The following GRAMD4 variants were observed in gnomAD, a reference collection of about 807,000 sequenced individuals.
GRAMD4 encodes the protein GRAM domain-containing protein 4.
In GRAMD4, 25 loss-of-function variants were observed where a neutral mutation model predicts 83.9. The observed-to-expected ratio is 0.30, with a 90% CI of 0.22 to 0.42. GRAMD4 has a LOEUF of 0.42. Among genes scored for constraint, GRAMD4 ranks in the 10% least tolerant of loss-of-function variants. GRAMD4 has a pLI of 1.00. For synonymous variants in GRAMD4, 336 were observed against 320.9 expected, an observed-to-expected ratio of 1.05 and a Z score of -0.50; for missense variants, 593 against 788.7, an observed-to-expected ratio of 0.75 and a Z score of 2.97.
At chr22:46,657,267 C>T (rs554749253) in intron 3 of GRAMD4, among the ~76,000 whole-genome samples, 4 of 152,314 alleles carry the variant, frequency 2.6e-5, no homozygotes, top group South Asian at 2.1e-4. Flanking sequence ...CTGCTCTCAT[C>T]GGTCTGTTGC....
At chr22:46,639,105 A>G (rs1473588339) in intron 3 of GRAMD4, among the ~76,000 whole-genome samples, 1 of 150,288 alleles carries the variant, frequency 6.7e-6, no homozygotes, top group Non-Finnish European at 1.5e-5. Context: ...GGCGTAATGA[A>G]CTCTGTGTGC....
intron 6 of GRAMD4, among the ~76,000 whole-genome samples, 186 bp downstream of exon 6, chr22:46,663,358 C>A (rs912915245): frequency 6.6e-6 from 1 of 152,204 alleles, no homozygotes. Context: ...TTGCGAGGCC[C>A]GCTTAGGTGC....
chr22:46,670,794 C>T (rs2082490480), intron 13 of GRAMD4, among the ~76,000 whole-genome samples: 1 of 152,098 alleles, frequency 6.6e-6, no homozygotes, highest in Non-Finnish European at 1.5e-5. Context: ...TTAATAGAGA[C>T]GAGGTTTCAC....
Position 46,589,993 on chromosome 22 carries a change from G to A in GRAMD4, c.-50+12703G>A, listed in dbSNP as rs540183846. On this transcript the variant is annotated intron_variant, in intron 1 of 1. Coordinates refer to the GRAMD4 transcript ENST00000431155. ...TCCTGCGGCATGTATTGGTGGGGAG[G>A]CCGTGTCGCCTCCTGTAACTCCCAC... is the stretch of plus-strand genomic sequence containing the variant. Among the ~76,000 whole-genome samples the A allele has an allele frequency of 1.5e-3, 235 of 152,344 alleles. 1 individual carries two copies. Among genetic ancestry groups the A allele is most frequent in the Admixed American group, 6.7e-3 (102 of 15,310 alleles).
chr22:46,617,009 C>T (rs1266892377), upstream of GRAMD4, among the ~76,000 whole-genome samples: 2 of 69,696 alleles, frequency 2.9e-5, no homozygotes, highest in African/African-American at 5.6e-5. Context: ...TTCCCCTGTG[C>T]GTGTGGGTTC....
downstream of GRAMD4, among the ~76,000 whole-genome samples, chr22:46,680,800 A>G (rs1298563991): frequency 1.1e-5 from 1 of 90,768 alleles, no homozygotes; most frequent in Non-Finnish European, 2.0e-5. Context: ...CTATCCATTC[A>G]CCTACCCATC....
chr22:46,647,969 G>A (rs1569287549), intron 3 of GRAMD4, among the ~76,000 whole-genome samples: 1 of 152,268 alleles, frequency 6.6e-6, no homozygotes, highest in Non-Finnish European at 1.5e-5. Context: ...ATATGGGAGG[G>A]AGTAAAGGTA....
rs34868206 is a variant in GRAMD4 at position 46,591,832 on chromosome 22, CAA to C, written c.-50+14561_-50+14562del. Among the ~76,000 whole-genome samples the C allele has an allele frequency of 6.6e-3, 246 of 37,398 alleles. 1 individual carries two copies. Among genetic ancestry groups the C allele is most frequent in the African/African-American group, 0.033 (220 of 6,592 alleles). The allele number at this position is 37,398 out of a possible 152,430, so 24.5% of individuals were successfully genotyped here. On this transcript the variant is annotated intron_variant, in intron 1 of 1. Transcript: ENST00000431155. The stretch of plus-strand genomic sequence containing the variant: ...TGGGTGACAGAGCGAGACTCTGTCT[CAA>C]AAAAAAAAAAAAAAAAAACCCAGAA...
At chr22:46,599,244 G>A (rs1421953764) in intron 1 of GRAMD4, among the ~76,000 whole-genome samples, 4 of 152,180 alleles carry the variant, frequency 2.6e-5, no homozygotes, top group Non-Finnish European at 5.9e-5. Flanking sequence ...TGCGTTGTCA[G>A]TTACGCAATT....
chr22:46,681,344 C>T (rs370199340), downstream of GRAMD4, among the ~76,000 whole-genome samples: 4 of 152,232 alleles, frequency 2.6e-5, no homozygotes, highest in East Asian at 5.8e-4. Flanking sequence ...GCCTGTTTTG[C>T]GTATATTTCA....
At chr22:46,673,393 G>A (rs1308749185) in intron 14 of GRAMD4, among the ~76,000 whole-genome samples, 1 of 152,368 alleles carries the variant, frequency 6.6e-6, no homozygotes, top group East Asian at 1.9e-4. Context: ...CCCTCCAGAT[G>A]TGCAGCACAG....
intron 1 of GRAMD4, among the ~76,000 whole-genome samples, chr22:46,604,089 G>T (rs946446214): frequency 6.6e-6 from 1 of 152,128 alleles, no homozygotes; most frequent in Non-Finnish European, 1.5e-5. Flanking sequence ...TCACAATTGG[G>T]TCTGAGTCTG....
chr22:46,665,036 C>T (rs1231406398), intron 8 of GRAMD4, among the ~76,000 whole-genome samples: 1 of 152,252 alleles, frequency 6.6e-6, no homozygotes, highest in East Asian at 1.9e-4. Context: ...TCCTGCCACC[C>T]TCACAAATGC....
intron 1 of GRAMD4, among the ~76,000 whole-genome samples, chr22:46,593,868 C>T (rs1007110815): frequency 3.3e-5 from 5 of 151,886 alleles, no homozygotes; most frequent in Admixed American, 2.0e-4. Flanking sequence ...GGATTACAGG[C>T]GTGCACCACC....
chr22:46,602,695 A>C (rs1601541673), intron 1 of GRAMD4, among the ~76,000 whole-genome samples: 1 of 151,624 alleles, frequency 6.6e-6, no homozygotes, highest in East Asian at 1.9e-4. Context: ...ATTATAAGTG[A>C]AGGTTAATCA....
intron 1 of GRAMD4, among the ~76,000 whole-genome samples, chr22:46,578,966 C>A (rs1268580997): frequency 1.3e-5 from 2 of 152,260 alleles, no homozygotes; most frequent in African/African-American, 4.8e-5. Flanking sequence ...CCTGGGGTCT[C>A]AGTGAGCCAC....
At chr22:46,627,509 C>CGGGAGCCAG (rs1267191529) in intron 2 of GRAMD4, among the ~76,000 whole-genome samples, 1 of 152,184 alleles carries the variant, frequency 6.6e-6, no homozygotes, top group African/African-American at 2.4e-5. Context: ...GGGAGCCAGG[C>CGGGAGCCAG]GGGAGCCAGG....
chr22:46,615,028 C>G (rs1440096599), intron 1 of GRAMD4, among the ~76,000 whole-genome samples: 2 of 76,986 alleles, frequency 2.6e-5, no homozygotes, highest in South Asian at 6.7e-4. Context: ...TGTGGGTTCC[C>G]CCGTGTGTAG....
At chr22:46,603,198 CTTGTTTTT>C (rs2081328703) in intron 1 of GRAMD4, among the ~76,000 whole-genome samples, 1 of 113,314 alleles carries the variant, frequency 8.8e-6, no homozygotes, top group Admixed American at 1.1e-4. Flanking sequence ...CGTATCTTCT[CTTGTTTTT>C]TTTTTTTTTT....
Sources: allele counts gnomAD v4.1 joint callset (sites outside exome capture counted in the v4.1 genomes callset), GRCh38; gene constraint gnomAD v4.1.1; transcripts MANE v1.5; gene names NCBI Gene and HGNC (gene_info 2026-07-23, HGNC 2026-07-21).